The following CPED1 variants were observed in gnomAD, a reference collection of about 807,000 sequenced individuals.
CPED1 encodes the protein cadherin like and PC-esterase domain containing 1.
A neutral mutation model predicts 128.2 loss-of-function variants in CPED1; 114 were observed. The observed-to-expected ratio is 0.89, with a 90% CI of 0.76 to 1.04. The LOEUF (loss-of-function observed/expected upper bound fraction) is 1.04, where lower values mean the gene tolerates loss of function less well. Ranked by LOEUF, CPED1 falls within the 50% of genes least tolerant of loss-of-function variation. CPED1 has a pLI of 0.00. For synonymous variants in CPED1, 462 were observed against 426.7 expected (o/e 1.08, Z -1.02); for missense variants, 1,211 against 1,207.1 (o/e 1.00, Z -0.05).
At chr7:121,063,882 C>G (rs115693089) in intron 4 of CPED1, among the ~76,000 whole-genome samples, 1 of 152,112 alleles carries the variant, frequency 6.6e-6, no homozygotes, top group East Asian at 1.9e-4. Flanking sequence ...AATTTTGGAA[C>G]GGGTTTAACA....
intron 16 of CPED1, among the ~76,000 whole-genome samples, chr7:121,172,661 C>CATAG (rs6150319): frequency 0.093 from 13,544 of 145,204 alleles, 720 homozygotes; most frequent in African/African-American, 0.14. Flanking sequence ...TGGATGGATA[C>CATAG]ATAGATAGAT....
chr7:121,067,949 T>G (rs1473304621), intron 5 of CPED1, among the ~76,000 whole-genome samples: 3 of 152,218 alleles, frequency 2.0e-5, no homozygotes, highest in East Asian at 1.9e-4. Flanking sequence ...TTGCCCACTT[T>G]TCGATGGGGT....
At chr7:121,173,444 C>T (rs1300754087) in intron 16 of CPED1, among the ~76,000 whole-genome samples, 1 of 152,098 alleles carries the variant, frequency 6.6e-6, no homozygotes, top group Non-Finnish European at 1.5e-5. Context: ...TCTATTGTTC[C>T]TCTCTTTGTG....
chr7:121,209,165 T>C (rs1374222971), intron 16 of CPED1, among the ~76,000 whole-genome samples: 2 of 152,062 alleles, frequency 1.3e-5, no homozygotes, highest in East Asian at 3.9e-4. Flanking sequence ...ATTTTCTTTT[T>C]GTTTTTGGCC....
At chr7:121,183,308 C>G (rs888181829) in intron 16 of CPED1, among the ~76,000 whole-genome samples, 1 of 152,090 alleles carries the variant, frequency 6.6e-6, no homozygotes, top group African/African-American at 2.4e-5. Flanking sequence ...ATATTTGCTT[C>G]AAAGTTTTCA....
chr7:121,271,506 C>T, intron 22 of CPED1, 76 bp downstream of exon 22: 1 of 1,403,100 alleles, frequency 7.1e-7, no homozygotes, highest in Non-Finnish European at 9.9e-7. Flanking sequence ...ATTGTATTGT[C>T]AGTCTTATTT....
At chr7:121,040,334 C>T (rs780056551) in intron 3 of CPED1, among the ~76,000 whole-genome samples, 1 of 152,046 alleles carries the variant, frequency 6.6e-6, no homozygotes, top group Non-Finnish European at 1.5e-5. Flanking sequence ...GTGTTAGAAA[C>T]AATAAGGTGA....
chr7:121,018,319 T>G (rs1403337525), intron 3 of CPED1, among the ~76,000 whole-genome samples: 1 of 152,178 alleles, frequency 6.6e-6, no homozygotes, highest in Non-Finnish European at 1.5e-5. Context: ...TTACAGAATT[T>G]GTTTTGCTTT....
intron 22 of CPED1, among the ~76,000 whole-genome samples, chr7:121,278,673 G>A (rs925345545): frequency 6.6e-6 from 1 of 152,118 alleles, no homozygotes; most frequent in Admixed American, 6.5e-5. Context: ...AGTGCCCAGT[G>A]AGAATAAATT....
chr7:121,136,096 T>G lies in CPED1; in HGVS notation c.1699+6T>G. ...AGAAATACATTGCAGTGATGGTGAG[T>G]TGAGATTAAAGTGTTGTAGCAGCAT... On this transcript the variant is annotated splice_donor_region_variant and intron_variant, in intron 14 of 22. Transcript: ENST00000310396. 6.4e-7 allele frequency: 1 copy of G among 1,551,640 alleles called. No homozygotes were observed. Among genetic ancestry groups the G allele is most frequent in the African/African-American group, 1.4e-5 (1 of 71,522 alleles).
In CPED1 at chr7:121,133,808, G is replaced by C. The variant is rs377687061; in HGVS notation, c.1578-15G>C. The C allele has an allele frequency of 1.3e-6, 2 of 1,570,336 alleles. No homozygotes were observed. The highest frequency in any genetic ancestry group is 1.8e-5 in the Admixed American group (1 of 56,926). ...CATTTCATTAATCCAGAGTTGTTTG[G>C]CATTGCATTTGCAGGAATTCTTTCA... On this transcript the variant is annotated splice_polypyrimidine_tract_variant and intron_variant, in intron 12 of 22. Transcript: ENST00000310396.
At chr7:121,265,794 T>C (rs1792109923) in intron 18 of CPED1, among the ~76,000 whole-genome samples, 1 of 151,988 alleles carries the variant, frequency 6.6e-6, no homozygotes, top group South Asian at 2.1e-4. Flanking sequence ...TTTCGTCAAG[T>C]AGACACGACC....
chr7:121,264,821 C>T (rs1311560648), intron 18 of CPED1, among the ~76,000 whole-genome samples: 1 of 152,020 alleles, frequency 6.6e-6, no homozygotes, highest in Non-Finnish European at 1.5e-5. Context: ...TGACAAAAGT[C>T]CTTTTGACTT....
chr7:121,047,844 G>A (rs1292626808), intron 4 of CPED1, among the ~76,000 whole-genome samples: 1 of 151,260 alleles, frequency 6.6e-6, no homozygotes, highest in Non-Finnish European at 1.5e-5. Context: ...CGGTGGTAGC[G>A]GGCGCCCGTA....
intron 3 of CPED1, among the ~76,000 whole-genome samples, chr7:121,027,781 A>ATAAT (rs1465881423): frequency 6.9e-6 from 1 of 144,998 alleles, no homozygotes; most frequent in Non-Finnish European, 1.5e-5. Flanking sequence ...AATAATAATG[A>ATAAT]GTTTCAGCTC....
At chr7:121,154,161 T>C (rs1409137122) in intron 16 of CPED1, among the ~76,000 whole-genome samples, 1 of 152,232 alleles carries the variant, frequency 6.6e-6, no homozygotes, top group Non-Finnish European at 1.5e-5. Context: ...TGAGCTCAAG[T>C]GTTGCAAGTA....
chr7:121,051,296 G>A (rs1267192593), intron 4 of CPED1: 5 of 463,588 alleles, frequency 1.1e-5, no homozygotes, highest in Non-Finnish European at 1.2e-5. Context: ...GTAAATGCAA[G>A]TTTTTTAGTA....
At chr7:121,099,807 C>T in intron 6 of CPED1, 119 bp from the exon 7 acceptor site, 2 of 1,000,644 alleles carry the variant, frequency 2.0e-6, no homozygotes, top group Non-Finnish European at 2.9e-6. Context: ...GAAACCCACA[C>T]ACTGAGGGCT....
chr7:121,024,171 A>C (rs1057108162), intron 3 of CPED1, among the ~76,000 whole-genome samples: 2 of 152,138 alleles, frequency 1.3e-5, no homozygotes, highest in African/African-American at 4.8e-5. Context: ...TCGTTCTTTA[A>C]TTGGCTCACT....
Sources: allele counts gnomAD v4.1 joint callset (sites outside exome capture counted in the v4.1 genomes callset), GRCh38; gene constraint gnomAD v4.1.1; transcripts MANE v1.5; gene names NCBI Gene and HGNC (gene_info 2026-07-23, HGNC 2026-07-21).